USPL1: variants seen among roughly 807,000 people sequenced by gnomAD.
USPL1 encodes the protein SUMO-specific isopeptidase USPL1.
In USPL1, 27 loss-of-function variants were observed where a neutral mutation model predicts 51.5. That is an observed-to-expected ratio of 0.52 (90% CI 0.39 to 0.72). The LOEUF (loss-of-function observed/expected upper bound fraction) is 0.72. Among genes scored for constraint, USPL1 ranks in the 30% least tolerant of loss-of-function variants. The probability of loss-of-function intolerance (pLI) is 0.00; values close to 1 mark genes in which losing one functional copy is unlikely to be tolerated. For synonymous variants in USPL1, 451 were observed against 459.6 expected (o/e 0.98, Z 0.24); for missense variants, 1,226 against 1,268.0 (o/e 0.97, Z 0.50).
chr13:30,621,920 A>G, intron 3 of USPL1, 28 bp downstream of exon 3: 3 of 1,356,374 alleles, frequency 2.2e-6, no homozygotes, highest in East Asian at 5.5e-5. Flanking sequence ...TATAGTATAT[A>G]TAAGATTTTT....
chr13:30,627,499 C>G (rs1321577353), intron 3 of USPL1, among the ~76,000 whole-genome samples: 1 of 147,628 alleles, frequency 6.8e-6, no homozygotes, highest in Non-Finnish European at 1.5e-5. Context: ...CCCGGGGCCT[C>G]TTATGGTTTA....
intron 5 of USPL1, among the ~76,000 whole-genome samples, chr13:30,638,375 T>C (rs1251097012): frequency 6.6e-6 from 1 of 152,152 alleles, no homozygotes; most frequent in East Asian, 1.9e-4. Flanking sequence ...TTTAGGAATG[T>C]CCTTGTGGTA....
Position 30,658,795 on chromosome 13 carries a change from T to G in USPL1, c.2718T>G (p.Leu906=). ...LKAEKKKLAA[L]MSSPQSRTVR... ...CAGAAAAGAAGAAATTAGCTGCTCT[T>G]ATGTCTTCCCCGCAAAGCAGAACAG... The change falls in exon 9 of 9, where the codon CTT becomes CTG. Residue 906 remains leucine, a synonymous_variant. Coordinates refer to ENST00000255304, the MANE Select transcript of USPL1 (RefSeq NM_005800.5). 1 of 1,614,072 alleles carries G rather than the reference T, an allele frequency of 6.2e-7. No individual in the cohort carries two copies. Among genetic ancestry groups the G allele is most frequent in the Non-Finnish European group, 8.5e-7 (1 of 1,180,042 alleles).
chr13:30,637,207 G>A (rs997027464), intron 4 of USPL1, among the ~76,000 whole-genome samples: 4 of 152,098 alleles, frequency 2.6e-5, no homozygotes, highest in Non-Finnish European at 4.4e-5. Flanking sequence ...AGCAGGATGT[G>A]GAACCGGATA....
rs1019689303 is a variant in USPL1, at chr13:30,642,850, T to C, written c.1112+93T>C. 2.7e-6 allele frequency: 4 copies of C among 1,462,564 alleles called. No individual in the cohort carries two copies. The Admixed American group carries it at 8.7e-5, about 32-fold the overall frequency. 90.6% of individuals were successfully genotyped at this position (1,462,564 alleles called of 1,614,324 possible). Reference sequence around the variant, plus strand: ...TTGAGCACCAGACACTACAGTTTGCTTGCTTCTTTAAACTGGAAGGGTCAA... The same window carrying C: ...TTGAGCACCAGACACTACAGTTTGCCTGCTTCTTTAAACTGGAAGGGTCAA... On this transcript the variant is annotated intron_variant, in intron 6 of 8. Coordinates refer to ENST00000255304, the MANE Select transcript of USPL1 (RefSeq NM_005800.5).
At chr13:30,625,065 A>G (rs537322931) in intron 3 of USPL1, among the ~76,000 whole-genome samples, 3 of 152,284 alleles carry the variant, frequency 2.0e-5, no homozygotes, top group African/African-American at 4.8e-5. Context: ...ATTTAGATTG[A>G]TAAGTAGAAA....
rs151003670 is a variant in USPL1 at position 30,621,160 on chromosome 13, T to C, written c.20T>C (p.Ile7Thr). Reference protein sequence around the residue: MMDSPKIGNGLPVIGPG... With the variant: MMDSPKTGNGLPVIGPG... ...CTCGGAATGATGGATTCTCCGAAGA[T>C]TGGAAATGGTTTGCCAGTGATTGGA... The change falls in exon 2 of 9, where the codon ATT becomes ACT. Residue 7 changes from isoleucine (I) to threonine (T), a missense_variant. Ile to Thr is a moderately conservative substitution (Grantham distance 89). Transcript: ENST00000255304. 6.9e-4 allele frequency: 1,114 copies of C among 1,606,784 alleles called. 2 individuals carry two copies. The highest frequency in any genetic ancestry group is 3.3e-3 in the Middle Eastern group (20 of 6,048).
chr13:30,621,036 A>G, intron 1 of USPL1, 37 bp from the exon 2 acceptor site: 1 of 896,754 alleles, frequency 1.1e-6, no homozygotes, highest in Non-Finnish European at 1.7e-6. Context: ...AGTAAATAGA[A>G]TTTTTATTTA....
At chr13:30,631,554 G>A (rs1566049661) in intron 4 of USPL1, 80 bp downstream of exon 4, 1 of 1,367,940 alleles carries the variant, frequency 7.3e-7, no homozygotes, top group South Asian at 1.5e-5. Context: ...AGGCTGGAGT[G>A]CAGTGGCATG....
Position 30,620,196 on chromosome 13 carries a change from C to T in USPL1, c.-68-877C>T, listed in dbSNP as rs143894697. Among the ~76,000 whole-genome samples the T allele has an allele frequency of 5.0e-3, 759 of 152,256 alleles. 2 individuals are homozygous for T. The highest frequency in any genetic ancestry group is 0.011 in the Admixed American group (174 of 15,294). On this transcript the variant is annotated intron_variant, in intron 1 of 8. Transcript: ENST00000255304. ...GATTTTAAAGTGAATTGTGAGCCAT[C>T]GATTCCCAGGAGATGGGTGTCATAG...
Position 30,658,013 on chromosome 13 carries a change from C to T in USPL1, c.1936C>T (p.Gln646Ter). The change falls in exon 9 of 9, where the codon CAA becomes TAA. Residue 646 changes from glutamine to a stop codon, truncating the protein, a stop_gained. Transcript: ENST00000255304. LOFTEE classifies it low-confidence loss of function (END_TRUNC). ...VSAPCNEKLI[Q>*]DQFVDISFPS... ...AGCTCCATGTAATGAAAAGCTTATT[C>T]AAGACCAATTTGTGGACATAAGTTT... The T allele has an allele frequency of 6.2e-7, 1 of 1,613,348 alleles. No homozygotes were observed. The highest frequency in any genetic ancestry group is 8.5e-7 in the Non-Finnish European group (1 of 1,179,972).
Position 30,655,226 on chromosome 13 carries a change from C to T in USPL1, c.1396+1921C>T, listed in dbSNP as rs191694951. Among the ~76,000 whole-genome samples the T allele has an allele frequency of 4.6e-3, 697 of 152,266 alleles. 5 individuals are homozygous for T. Among genetic ancestry groups the T allele is most frequent in the African/African-American group, 0.015 (620 of 41,540 alleles). On this transcript the variant is annotated intron_variant, in intron 8 of 8. Coordinates refer to ENST00000255304, the MANE Select transcript of USPL1 (RefSeq NM_005800.5). ...TGCTGGGATTACAGGCATGAGCCACCGCACCCGGCCATATCTTATATTTTA... is the reference window on the plus strand; with the variant it reads ...TGCTGGGATTACAGGCATGAGCCACTGCACCCGGCCATATCTTATATTTTA...
intron 1 of USPL1, among the ~76,000 whole-genome samples, chr13:30,619,112 A>G (rs1950613063): frequency 6.6e-6 from 1 of 152,198 alleles, no homozygotes; most frequent in South Asian, 2.1e-4. Flanking sequence ...TAAGTGAGAT[A>G]TGGGAAGGAG....
rs868746205 is a variant in USPL1 at position 30,643,610 on chromosome 13, G to A, written c.1112+853G>A. The stretch of plus-strand genomic sequence containing the variant: ...GAAATAACTCTTTCCACCCCCCCCC[G>A]CCCTTTTTTTTTTTTTGAGTTGGAG... On this transcript the variant is annotated intron_variant, in intron 6 of 8. Transcript: ENST00000255304. 1.5e-4 allele frequency among the ~76,000 whole-genome samples: 7 copies of A among 47,346 alleles called. No individual in the cohort carries two copies. In the East Asian group the frequency reaches 1.9e-3, roughly 13 times the overall value. The allele number at this position is 47,346 out of a possible 152,430, so 31.1% of individuals were successfully genotyped here.
intron 3 of USPL1, among the ~76,000 whole-genome samples, chr13:30,626,524 A>G (rs1180864474): frequency 6.6e-6 from 1 of 152,172 alleles, no homozygotes; most frequent in Admixed American, 6.5e-5. Context: ...GTAGCTCATA[A>G]AATCTAAATA....
chr13:30,632,010 G>T (rs1156831333), intron 4 of USPL1, among the ~76,000 whole-genome samples: 1 of 151,600 alleles, frequency 6.6e-6, no homozygotes, highest in Non-Finnish European at 1.5e-5. Context: ...TACATGTGCA[G>T]AACGTGCAGT....
At chr13:30,642,243 T>C (rs1477955057) in intron 5 of USPL1, among the ~76,000 whole-genome samples, 1 of 152,032 alleles carries the variant, frequency 6.6e-6, no homozygotes, top group East Asian at 1.9e-4. Flanking sequence ...TTACAAGGTG[T>C]GAGCCACCAC....
Position 30,658,378 on chromosome 13 carries a change from T to G in USPL1, c.2301T>G (p.Gly767=). ...GGGTTAAAGGCTTAATAAGCAGGGG[T>G]GCTTCTTTTATGCCACTCTGTGTTT... ...GSWVKGLISR[G]ASFMPLCVSA... Residue 767 remains glycine (G), a synonymous_variant, in exon 9 of 9, where the codon GGT becomes GGG. Transcript: ENST00000255304. The G allele has an allele frequency of 6.2e-7, 1 of 1,613,550 alleles. No individual in the cohort carries two copies. The highest frequency in any genetic ancestry group is 1.1e-5 in the South Asian group (1 of 91,026).
At chr13:30,654,817 T>C (rs1008869166) in intron 8 of USPL1, among the ~76,000 whole-genome samples, 1 of 152,152 alleles carries the variant, frequency 6.6e-6, no homozygotes, top group Non-Finnish European at 1.5e-5. Context: ...AAAAAAGTTA[T>C]GTGACTTTTT....
Sources: gnomAD v4.1 joint callset for allele counts (sites outside exome capture counted in the v4.1 genomes callset) on GRCh38, gnomAD v4.1.1 for gene constraint, MANE v1.5 for transcripts, NCBI Gene and HGNC (gene_info 2026-07-23, HGNC 2026-07-21) for gene names.